The following CYP2C18 variants were observed in gnomAD, a reference collection of about 807,000 sequenced individuals.
The protein encoded by CYP2C18 is cytochrome P450 2C18.
CYP2C18 carries 38 observed loss-of-function variants against 41.3 expected under a neutral mutation model. The ratio of observed to expected loss-of-function variants is 0.92; its 90% confidence interval spans 0.71 to 1.21. The LOEUF is 1.21. CYP2C18 is among the 50% of genes most tolerant of loss of function. The pLI is 0.00. For missense variants in CYP2C18, 635 were observed against 591.4 expected (o/e 1.07, Z -0.77); for synonymous variants, 236 against 210.0 (o/e 1.12, Z -1.07).
intron 2 of CYP2C18, 89 bp downstream of exon 2, chr10:94,688,021 G>A: frequency 6.3e-7 from 1 of 1,595,698 alleles, no homozygotes. Flanking sequence ...CAGGCTTGAA[G>A]AGCTCCTGGG....
chr10:94,694,609 G>C (rs892749516), intron 3 of CYP2C18, among the ~76,000 whole-genome samples: 1 of 152,084 alleles, frequency 6.6e-6, no homozygotes, highest in Non-Finnish European at 1.5e-5. Context: ...TTTAAATGTG[G>C]CCTCTTTAAT....
At chr10:94,730,289 A>C (rs1303025372) in intron 7 of CYP2C18, among the ~76,000 whole-genome samples, 1 of 152,168 alleles carries the variant, frequency 6.6e-6, no homozygotes. Context: ...CCCCTACTTG[A>C]AAACTTGTTT....
chr10:94,688,207 G>C lies in CYP2C18; in HGVS notation c.414G>C (p.Lys138Asn), dbSNP rs772988311. The C allele has an allele frequency of 6.2e-7, 1 of 1,613,822 alleles. No homozygotes were observed. Among genetic ancestry groups the C allele is most frequent in the Non-Finnish European group, 8.5e-7 (1 of 1,179,792 alleles). The change falls in exon 3 of 9, where the codon AAG becomes AAC. Residue 138 changes from lysine to asparagine, a missense_variant. By Grantham distance (94) the Lys-to-Asn change is moderately conservative. Coordinates refer to ENST00000285979, the MANE Select transcript of CYP2C18 (RefSeq NM_000772.3). ...LMTLRNFGMG[K>N]RSIEDRVQEE... The stretch of plus-strand genomic sequence containing the variant: ...CTCTGCGGAATTTTGGGATGGGGAA[G>C]AGGAGCATCGAGGACCGTGTTCAAG...
intron 5 of CYP2C18, among the ~76,000 whole-genome samples, chr10:94,711,106 A>G (rs1847428311): frequency 1.3e-5 from 2 of 152,158 alleles, no homozygotes. Flanking sequence ...CAGTTCATTC[A>G]GTCCCTTGTC....
intron 7 of CYP2C18, among the ~76,000 whole-genome samples, chr10:94,732,012 A>T (rs1408736889): frequency 6.6e-6 from 1 of 152,224 alleles, no homozygotes; most frequent in Admixed American, 6.5e-5. Flanking sequence ...GAGCTTCTGC[A>T]TAACAAAAGT....
At chr10:94,699,638 A>C (rs1382289153) in intron 4 of CYP2C18, among the ~76,000 whole-genome samples, 2 of 152,212 alleles carry the variant, frequency 1.3e-5, no homozygotes, top group African/African-American at 4.8e-5. Context: ...GCAATCAGGC[A>C]GGAGAAGGAA....
chr10:94,692,882 G>A (rs1317150476), intron 3 of CYP2C18, among the ~76,000 whole-genome samples: 1 of 152,108 alleles, frequency 6.6e-6, no homozygotes, highest in Non-Finnish European at 1.5e-5. Flanking sequence ...GGACATGAAT[G>A]AAGCTGGAAA....
chr10:94,689,087 C>G (rs1210671310), intron 3 of CYP2C18, among the ~76,000 whole-genome samples: 1 of 151,832 alleles, frequency 6.6e-6, no homozygotes, highest in East Asian at 1.9e-4. Context: ...TTTTAATTTC[C>G]CTGTTAATTA....
chr10:94,686,607 A>G (rs2134173329), intron 1 of CYP2C18, among the ~76,000 whole-genome samples: 1 of 152,338 alleles, frequency 6.6e-6, no homozygotes, highest in South Asian at 2.1e-4. Context: ...GAGGCCAGTT[A>G]TTAAAGGTTA....
chr10:94,706,933 T>A lies in CYP2C18; in HGVS notation c.792T>A (p.Ile264=). 1 of 1,609,038 alleles carries A rather than the reference T, an allele frequency of 6.2e-7. No individual in the cohort carries two copies. The highest frequency in any genetic ancestry group is 8.5e-7 in the Non-Finnish European group (1 of 1,178,448). ...SLDMNSARDF[I]DCFLIKMEQE... is the part of the protein sequence containing the mutation. ...ACATGAACAGTGCTCGGGACTTTAT[T>A]GATTGTTTCCTGATCAAAATGGAAC... The change falls in exon 5 of 9, where the codon ATT becomes ATA. Residue 264 remains isoleucine, a synonymous_variant. Transcript: ENST00000285979.
intron 5 of CYP2C18, among the ~76,000 whole-genome samples, chr10:94,712,830 T>C (rs1847462630): frequency 6.6e-6 from 1 of 152,214 alleles, no homozygotes; most frequent in Admixed American, 6.6e-5. Flanking sequence ...TTCCCCTTTT[T>C]CCACATCTTC....
At chr10:94,692,116 A>G (rs946432694) in intron 3 of CYP2C18, among the ~76,000 whole-genome samples, 4 of 152,232 alleles carry the variant, frequency 2.6e-5, no homozygotes, top group African/African-American at 9.6e-5. Context: ...AGGCATGGGC[A>G]AGGACTTCAT....
At chr10:94,712,076 G>A (rs1401510831) in intron 5 of CYP2C18, among the ~76,000 whole-genome samples, 1 of 135,690 alleles carries the variant, frequency 7.4e-6, no homozygotes, top group Non-Finnish European at 1.5e-5. Context: ...TTGAACTTCT[G>A]GGCTCAAGCG....
intron 4 of CYP2C18, among the ~76,000 whole-genome samples, chr10:94,700,338 T>C (rs1309474139): frequency 1.3e-5 from 2 of 152,142 alleles, no homozygotes; most frequent in African/African-American, 4.8e-5. Context: ...TCTACAACCA[T>C]CTGATCTTTG....
At chr10:94,725,478 A>C (rs1389624068) in intron 7 of CYP2C18, among the ~76,000 whole-genome samples, 2 of 150,842 alleles carry the variant, frequency 1.3e-5, no homozygotes, top group Non-Finnish European at 3.0e-5. Flanking sequence ...GTTTTATTTC[A>C]CTGGTTAGGA....
chr10:94,699,494 C>G (rs1847191052), intron 4 of CYP2C18, among the ~76,000 whole-genome samples: 1 of 152,110 alleles, frequency 6.6e-6, no homozygotes. Context: ...ATAATAAGAG[C>G]TATCTATGAC....
At chr10:94,684,128 G>C (rs1846839503) in intron 1 of CYP2C18, 141 bp downstream of exon 1, 2 of 554,808 alleles carry the variant, frequency 3.6e-6, no homozygotes, top group South Asian at 4.0e-5. Context: ...TACATGTATA[G>C]ATTGTGAATT....
intron 4 of CYP2C18, among the ~76,000 whole-genome samples, chr10:94,704,330 A>T (rs6583951): frequency 0.99 from 147,465 of 149,660 alleles, 72,678 homozygotes; most frequent in Non-Finnish European, 1. Context: ...TATAGTTTTT[A>T]TTTTTTTTCT....
chr10:94,698,585 G>A (rs973990624), intron 4 of CYP2C18, among the ~76,000 whole-genome samples: 2 of 152,216 alleles, frequency 1.3e-5, no homozygotes, highest in Admixed American at 6.5e-5. Context: ...AGAAGCAAGA[G>A]CAAACACATT....
Sources: allele counts gnomAD v4.1 joint callset (sites outside exome capture counted in the v4.1 genomes callset), GRCh38; gene constraint gnomAD v4.1.1; transcripts MANE v1.5; gene names NCBI Gene and HGNC (gene_info 2026-07-23, HGNC 2026-07-21).